DOCK9: variants seen among roughly 807,000 people sequenced by gnomAD.
DOCK9 encodes dedicator of cytokinesis protein 9.
A neutral mutation model predicts 263.3 loss-of-function variants in DOCK9; 89 were observed. The observed-to-expected ratio is 0.34, with a 90% CI of 0.28 to 0.40. The LOEUF (loss-of-function observed/expected upper bound fraction) is 0.40. Among genes scored for constraint, DOCK9 ranks in the 10% least tolerant of loss-of-function variants. The pLI is 1.00. For missense variants in DOCK9, 2,140 were observed against 2,603.4 expected, an observed-to-expected ratio of 0.82 and a Z score of 3.87; for synonymous variants, 976 against 973.1, an observed-to-expected ratio of 1.00 and a Z score of -0.06.
chr13:98,997,062 C>T (rs1374655013), intron 1 of DOCK9, among the ~76,000 whole-genome samples: 1 of 152,196 alleles, frequency 6.6e-6, no homozygotes, highest in Non-Finnish European at 1.5e-5. Flanking sequence ...GCTGACTATC[C>T]AGGGTTTCTA....
chr13:98,797,650 CTG>C (rs1195975311), intron 50 of DOCK9, among the ~76,000 whole-genome samples, 161 bp from the exon 51 acceptor site: 3 of 152,218 alleles, frequency 2.0e-5, no homozygotes, highest in Non-Finnish European at 4.4e-5. Flanking sequence ...AAAGTTCACT[CTG>C]TTGCACACCA....
intron 10 of DOCK9, 31 bp from the exon 11 acceptor site, chr13:98,903,143 G>A (rs1595148981): frequency 6.9e-7 from 1 of 1,452,438 alleles, no homozygotes; most frequent in East Asian, 2.6e-5. Context: ...ATATAAATAA[G>A]TTATGCTCTT....
chr13:98,806,908 CAA>C (rs35437169), intron 48 of DOCK9, among the ~76,000 whole-genome samples: 31 of 126,654 alleles, frequency 2.4e-4, no homozygotes, highest in East Asian at 2.1e-4. Flanking sequence ...GACTCCATCT[CAA>C]AAAAAAAAAA....
intron 18 of DOCK9, among the ~76,000 whole-genome samples, chr13:98,887,080 T>A (rs1220336994): frequency 6.7e-6 from 1 of 149,948 alleles, no homozygotes; most frequent in Non-Finnish European, 1.5e-5. Flanking sequence ...TCTCCACGAC[T>A]GTTTTTCCCA....
chr13:98,990,720 C>G (rs1418237421), intron 1 of DOCK9, among the ~76,000 whole-genome samples: 1 of 152,204 alleles, frequency 6.6e-6, no homozygotes, highest in African/African-American at 2.4e-5. Context: ...TCAGCCCAAA[C>G]TCTGCAATTC....
At chr13:98,961,621 A>G (rs2058650031) in intron 1 of DOCK9, among the ~76,000 whole-genome samples, 1 of 152,188 alleles carries the variant, frequency 6.6e-6, no homozygotes, top group African/African-American at 2.4e-5. Flanking sequence ...GATGCCTCTC[A>G]TGACAGTCCT....
intron 30 of DOCK9, among the ~76,000 whole-genome samples, chr13:98,866,072 G>A (rs2094012858): frequency 1.3e-5 from 2 of 152,120 alleles, no homozygotes; most frequent in Non-Finnish European, 2.9e-5. Context: ...CAGATATGCG[G>A]GTGCTTGGCT....
intron 1 of DOCK9, among the ~76,000 whole-genome samples, chr13:99,038,292 T>TCGC (rs1566338386): frequency 0.022 from 725 of 33,306 alleles, 15 homozygotes; most frequent in East Asian, 0.06. Context: ...GCCCCCCTTT[T>TCGC]TTTTTTTTTT....
At chr13:98,980,150 A>G (rs1391429733), upstream of DOCK9, among the ~76,000 whole-genome samples, 6 of 152,212 alleles carry the variant, frequency 3.9e-5, no homozygotes, top group South Asian at 1.2e-3. Flanking sequence ...AAGCCCCTCA[A>G]GTAGCAGGAA....
chr13:99,008,208 CTCTCTA>C (rs1316138611), intron 1 of DOCK9, among the ~76,000 whole-genome samples: 48 of 72,736 alleles, frequency 6.6e-4, no homozygotes, highest in African/African-American at 1.6e-3. Context: ...CTCTCTCTCT[CTCTCTA>C]TATATATATA....
intron 10 of DOCK9, among the ~76,000 whole-genome samples, chr13:98,903,881 A>G (rs75798202): frequency 6.6e-6 from 1 of 152,346 alleles, no homozygotes; most frequent in East Asian, 1.9e-4. Context: ...AGCCAGAAAC[A>G]AAGGACAAAT....
At chr13:98,951,866 A>G (rs1386181698) in intron 2 of DOCK9, among the ~76,000 whole-genome samples, 1 of 150,880 alleles carries the variant, frequency 6.6e-6, no homozygotes, top group Non-Finnish European at 1.5e-5. Flanking sequence ...GTCCCTGGCC[A>G]TGGCAGATCA....
chr13:99,073,677 G>A (rs2041790335), intron 1 of DOCK9, among the ~76,000 whole-genome samples: 1 of 152,078 alleles, frequency 6.6e-6, no homozygotes, highest in South Asian at 2.1e-4. Flanking sequence ...CAGTAGAGTT[G>A]GCCTAACCCT....
At chr13:98,868,406 T>A (rs759499404) in intron 27 of DOCK9, 29 bp from the exon 28 acceptor site, 1 of 1,585,326 alleles carries the variant, frequency 6.3e-7, no homozygotes, top group East Asian at 2.3e-5. Flanking sequence ...AAACATTTAT[T>A]ATTTATTAAG....
At chr13:99,055,488 T>G (rs1382543959) in intron 1 of DOCK9, among the ~76,000 whole-genome samples, 1 of 152,034 alleles carries the variant, frequency 6.6e-6, no homozygotes. Context: ...AGCGAGCCGG[T>G]GCTTAACTGT....
intron 7 of DOCK9, among the ~76,000 whole-genome samples, chr13:98,917,667 G>C (rs1479155722): frequency 6.6e-6 from 1 of 150,402 alleles, no homozygotes; most frequent in Admixed American, 6.6e-5. Context: ...TCGGCAGGGC[G>C]GGGGTACTGC....
intron 1 of DOCK9, among the ~76,000 whole-genome samples, chr13:98,997,075 A>G (rs1881221439): frequency 6.6e-6 from 1 of 152,238 alleles, no homozygotes; most frequent in Non-Finnish European, 1.5e-5. Context: ...GGTTTCTACA[A>G]GAGGACAGTG....
chr13:98,978,856 G>A (rs1435754127), upstream of DOCK9, among the ~76,000 whole-genome samples: 2 of 152,070 alleles, frequency 1.3e-5, no homozygotes, highest in African/African-American at 4.8e-5. Flanking sequence ...ACCAACCTAC[G>A]GTTCAATGGT....
intron 37 of DOCK9, 150 bp from the exon 38 acceptor site, chr13:98,846,210 G>A (rs1265579737): frequency 7.0e-6 from 7 of 997,408 alleles, no homozygotes; most frequent in Admixed American, 2.4e-5. Flanking sequence ...ACAGACAGGC[G>A]GCAGCTCCTG....
Sources: allele counts gnomAD v4.1 joint callset (sites outside exome capture counted in the v4.1 genomes callset), GRCh38; gene constraint gnomAD v4.1.1; transcripts MANE v1.5; gene names NCBI Gene and HGNC (gene_info 2026-07-23, HGNC 2026-07-21).